Variants in MON2 observed in about 807,000 individuals in gnomAD.
The protein encoded by MON2 is protein MON2 homolog.
A neutral mutation model predicts 208.6 loss-of-function variants in MON2; 84 were observed. That is an observed-to-expected ratio of 0.40 (90% CI 0.34 to 0.48). The LOEUF is 0.48. MON2 is among the 20% of genes least tolerant of loss of function. MON2 has a pLI of 0.59. For missense variants in MON2, 1,611 were observed against 2,015.4 expected, an observed-to-expected ratio of 0.80 and a Z score of 3.84; for synonymous variants, 660 against 694.0, an observed-to-expected ratio of 0.95 and a Z score of 0.77.
At chr12:62,552,156 A>G (rs1269373429) in intron 23 of MON2, among the ~76,000 whole-genome samples, 1 of 152,184 alleles carries the variant, frequency 6.6e-6, no homozygotes, top group African/African-American at 2.4e-5. Context: ...ACCATTTTAT[A>G]TAACAGACTT....
At chr12:62,483,804 G>A (rs1565959724) in intron 1 of MON2, among the ~76,000 whole-genome samples, 1 of 152,166 alleles carries the variant, frequency 6.6e-6, no homozygotes, top group Non-Finnish European at 1.5e-5. Flanking sequence ...GAGAGAGGAG[G>A]CTTGAAATGG....
chr12:62,578,356 T>G, intron 30 of MON2, 89 bp from the exon 31 acceptor site: 2 of 851,684 alleles, frequency 2.3e-6, no homozygotes, highest in South Asian at 3.4e-5. Flanking sequence ...GAAGACATAA[T>G]TTTTTGACAT....
At chr12:62,585,183 C>T (rs554371216) in intron 32 of MON2, 111 bp from the exon 33 acceptor site, 1 of 773,778 alleles carries the variant, frequency 1.3e-6, no homozygotes, top group Admixed American at 2.6e-5. Context: ...GTTCTAGGTG[C>T]CTTTCACCAG....
chr12:62,552,612 G>GT (rs1284893414), intron 23 of MON2, among the ~76,000 whole-genome samples: 1 of 150,826 alleles, frequency 6.6e-6, no homozygotes, highest in Non-Finnish European at 1.5e-5. Flanking sequence ...ACTATTCTTG[G>GT]TTTTTTGTAT....
chr12:62,562,955 G>A (rs2074252768), intron 26 of MON2, among the ~76,000 whole-genome samples: 1 of 152,146 alleles, frequency 6.6e-6, no homozygotes, highest in South Asian at 2.1e-4. Context: ...CATACATAGA[G>A]GAACTGGGAA....
intron 2 of MON2, among the ~76,000 whole-genome samples, chr12:62,493,606 A>T (rs532516092): frequency 6.6e-6 from 1 of 152,150 alleles, no homozygotes; most frequent in Non-Finnish European, 1.5e-5. Context: ...TGCTTTTTTG[A>T]GGTGGGAAAG....
In MON2 at chr12:62,561,039, C is replaced by A. The variant is rs749026232; in HGVS notation, c.3958C>A (p.Leu1320Ile). The change falls in exon 26 of 35, where the codon CTT becomes ATT. Residue 1320 changes from leucine (L) to isoleucine (I), a missense_variant. By Grantham distance (5) the Leu-to-Ile change is conservative. Coordinates refer to ENST00000393630, the MANE Select transcript of MON2 (RefSeq NM_015026.3). Reference sequence around the variant, plus strand: ...AAGTTCAGATGCATCCCCTTTTATTCTTCCATCTTATACCGAAGCAGTTTT... The same window carrying A: ...AAGTTCAGATGCATCCCCTTTTATTATTCCATCTTATACCGAAGCAGTTTT... ...PISSDASPFILPSYTEAVLTS... is the reference protein window; with the variant it reads ...PISSDASPFIIPSYTEAVLTS... 2 of 1,613,214 alleles carry A rather than the reference C, an allele frequency of 1.2e-6. No individual in the cohort carries two copies. The highest frequency in any genetic ancestry group is 2.2e-5 in the South Asian group (2 of 91,044).
chr12:62,585,489 G>A lies in MON2; in HGVS notation c.4895G>A (p.Cys1632Tyr). Reference protein sequence around the residue: ...YIEDERLSGKCPLPRQQVTEI... With the variant: ...YIEDERLSGKYPLPRQQVTEI... The stretch of plus-strand genomic sequence containing the variant: ...GAGGATGAAAGATTAAGTGGTAAAT[G>A]CCCTCTTCCAAGGTATATATTTCAT... The change falls in exon 33 of 35, where the codon TGC becomes TAC. Residue 1632 changes from cysteine (C) to tyrosine (Y), a missense_variant. Coordinates refer to ENST00000393630, the MANE Select transcript of MON2 (RefSeq NM_015026.3). The A allele has an allele frequency of 6.2e-7, 1 of 1,601,726 alleles. No homozygotes were observed. Among genetic ancestry groups the A allele is most frequent in the African/African-American group, 1.3e-5 (1 of 74,772 alleles).
At chr12:62,586,995 CAATAGG>C (rs2075239653) in intron 33 of MON2, among the ~76,000 whole-genome samples, 1 of 152,134 alleles carries the variant, frequency 6.6e-6, no homozygotes, top group East Asian at 1.9e-4. Context: ...TCAATGCTTA[CAATAGG>C]AAGTCTTGAA....
chr12:62,542,183 T>A (rs1416120626), intron 19 of MON2, among the ~76,000 whole-genome samples: 10 of 152,176 alleles, frequency 6.6e-5, no homozygotes, highest in Admixed American at 1.3e-4. Context: ...AGGGTCAACC[T>A]GACCATATTT....
At chr12:62,549,458 A>C (rs1292833605) in intron 22 of MON2, among the ~76,000 whole-genome samples, 1 of 60,482 alleles carries the variant, frequency 1.7e-5, no homozygotes, top group East Asian at 4.5e-4. Context: ...TGTCTCCACA[A>C]AAAAAAAAAA....
At chr12:62,577,990 A>G (rs1483947607) in intron 30 of MON2, among the ~76,000 whole-genome samples, 2 of 152,004 alleles carry the variant, frequency 1.3e-5, no homozygotes, top group African/African-American at 4.8e-5. Context: ...CTTTATTGTA[A>G]AGATCTTTAA....
chr12:62,528,980 T>TA (rs1934426887), intron 11 of MON2, among the ~76,000 whole-genome samples: 1 of 152,162 alleles, frequency 6.6e-6, no homozygotes, highest in African/African-American at 2.4e-5. Context: ...ACCCAATAGT[T>TA]ACCTTTTCTG....
At position 62,475,683 on chromosome 12, in the gene MON2, G is replaced by A. The variant is rs1369527494; in HGVS notation, c.111+8365G>A. ...CTCCCAAAGTGCTGGGATTACAAGC[G>A]TGAGCCACCACACCCATCCTCCTTT... On this transcript the variant is annotated intron_variant, in intron 1 of 34. Transcript: ENST00000393630. 6.1e-5 allele frequency among the ~76,000 whole-genome samples: 9 copies of A among 148,116 alleles called. No homozygotes were observed. In the East Asian group the frequency reaches 8.4e-4, roughly 14 times the overall value.
At position 62,556,199 on chromosome 12, in the gene MON2, G is replaced by A. The variant is rs757044282; in HGVS notation, c.3409+7G>A. 20 of 1,611,754 alleles carry A rather than the reference G, an allele frequency of 1.2e-5. No individual in the cohort carries two copies. The highest frequency in any genetic ancestry group is 4.4e-5 in the South Asian group (4 of 90,736). On this transcript the variant is annotated splice_region_variant and intron_variant, in intron 25 of 34. Transcript: ENST00000393630. ...TATTTGCTGCAGCCTTTAGGTATAC[G>A]TACATTTTTTTCTGATTATACAAGT...
rs747298286 is a variant in MON2, at chr12:62,484,212, C to T, written c.154C>T (p.Arg52Ter). 2 of 1,596,122 alleles carry T rather than the reference C, an allele frequency of 1.3e-6. No individual in the cohort carries two copies. The highest frequency in any genetic ancestry group is 1.2e-5 in the South Asian group (1 of 86,094). ...GIIKVKTIAA[R>*]NTEILAALKE... ...AATAAAAGTTAAAACAATTGCTGCA[C>T]GAAACACTGAAATTTTGGCAGGTAA... Residue 52 changes from arginine to a stop codon, truncating the protein, a stop_gained, in exon 2 of 35, where the codon CGA becomes TGA. Coordinates refer to ENST00000393630, the MANE Select transcript of MON2 (RefSeq NM_015026.3). LOFTEE classifies it high-confidence loss of function.
chr12:62,542,204 C>T (rs571195999), intron 19 of MON2, among the ~76,000 whole-genome samples: 4 of 152,158 alleles, frequency 2.6e-5, no homozygotes, highest in Non-Finnish European at 5.9e-5. Context: ...GTCTTAAAAC[C>T]CCAATATACT....
chr12:62,539,987 A>AT (rs1477543266), intron 19 of MON2, among the ~76,000 whole-genome samples: 1 of 152,156 alleles, frequency 6.6e-6, no homozygotes, highest in Non-Finnish European at 1.5e-5. Context: ...AAGAAAATAT[A>AT]TATTATAGTT....
intron 11 of MON2, 57 bp downstream of exon 11, chr12:62,526,159 C>T (rs1364382701): frequency 2.7e-6 from 4 of 1,506,870 alleles, no homozygotes; most frequent in East Asian, 2.3e-5. Context: ...TGATATTTAA[C>T]CTAAAATTCT....
Sources: allele counts gnomAD v4.1 joint callset (sites outside exome capture counted in the v4.1 genomes callset), GRCh38; gene constraint gnomAD v4.1.1; transcripts MANE v1.5; gene names NCBI Gene and HGNC (gene_info 2026-07-23, HGNC 2026-07-21).